The following CALN1 variants were observed in gnomAD, a reference collection of about 807,000 sequenced individuals.
The protein encoded by CALN1 is calcium-binding protein 8.
Under a neutral mutation model 30.6 loss-of-function variants are expected in CALN1, and 17 were observed. The observed-to-expected ratio is 0.56, with a 90% CI of 0.38 to 0.83. The LOEUF is 0.83. Among genes scored for constraint, CALN1 ranks in the 40% least tolerant of loss-of-function variants. The probability of loss-of-function intolerance (pLI) is 0.00; values close to 1 mark genes in which losing one functional copy is unlikely to be tolerated. For synonymous variants in CALN1, 156 were observed against 131.4 expected (o/e 1.19, Z -1.28); for missense variants, 291 against 354.9 (o/e 0.82, Z 1.45).
At chr7:72,078,001 A>T (rs748982345) in intron 4 of CALN1, among the ~76,000 whole-genome samples, 1 of 152,200 alleles carries the variant, frequency 6.6e-6, no homozygotes, top group Non-Finnish European at 1.5e-5. Flanking sequence ...AAGTTGTGCT[A>T]GGCCCACAGG....
chr7:71,924,251 TTAGGATTTCAGATCTTTTTAAAAAAG>T (rs1795141225), intron 5 of CALN1, among the ~76,000 whole-genome samples: 2 of 147,610 alleles, frequency 1.4e-5, no homozygotes, highest in African/African-American at 2.5e-5. Flanking sequence ...TTAAAAAAGA[TTAGGATTTCAGATCTTTTTAAAAAAG>T]ATTAGGATTT....
rs552737965 is a variant in CALN1, at chr7:71,813,971, A to C, written c.502-3479T>G. Among the ~76,000 whole-genome samples the C allele has an allele frequency of 4.7e-5, 7 of 150,432 alleles. No individual in the cohort carries two copies. The South Asian group carries it at 1.5e-3, about 32-fold the overall frequency. ...AAAAGATCTTTGGACTTCCCAACCT[A>C]CGGGCCCAAGCAATTAAGAGGATAA... On this transcript the variant is annotated intron_variant, in intron 5 of 6. Transcript: ENST00000395275.
chr7:71,998,435 A>G (rs1455247942), intron 5 of CALN1, among the ~76,000 whole-genome samples: 1 of 152,176 alleles, frequency 6.6e-6, no homozygotes, highest in Non-Finnish European at 1.5e-5. Context: ...ACTCAAGACA[A>G]TGATATTTAA....
upstream of CALN1, among the ~76,000 whole-genome samples, chr7:72,447,546 C>T (rs1188202682): frequency 6.6e-6 from 1 of 152,146 alleles, no homozygotes; most frequent in East Asian, 1.9e-4. Flanking sequence ...CGGGGCTGCA[C>T]GGGACACTGC....
chr7:72,261,760 C>T (rs998439170), intron 3 of CALN1, among the ~76,000 whole-genome samples: 6 of 152,122 alleles, frequency 3.9e-5, no homozygotes, highest in Admixed American at 1.3e-4. Context: ...AAAAACACCA[C>T]CACCACATAC....
At chr7:72,392,892 C>T (rs767968125) in intron 2 of CALN1, among the ~76,000 whole-genome samples, 3 of 151,912 alleles carry the variant, frequency 2.0e-5, no homozygotes, top group South Asian at 2.1e-4. Flanking sequence ...CCAGCTACTT[C>T]GGAGGCTGAG....
At chr7:72,409,116 C>CGGGG (rs1806920575) in intron 1 of CALN1, among the ~76,000 whole-genome samples, 1 of 151,972 alleles carries the variant, frequency 6.6e-6, no homozygotes, top group South Asian at 2.1e-4. Context: ...CTGACTCAGC[C>CGGGG]TCCCCAGTAG....
At chr7:72,117,359 G>A (rs1284857422) in intron 3 of CALN1, among the ~76,000 whole-genome samples, 2 of 152,188 alleles carry the variant, frequency 1.3e-5, no homozygotes, top group Non-Finnish European at 2.9e-5. Context: ...CGTAGATGAA[G>A]TCTCATAGAT....
At chr7:72,325,041 C>G (rs1332740806) in intron 2 of CALN1, among the ~76,000 whole-genome samples, 1 of 152,094 alleles carries the variant, frequency 6.6e-6, no homozygotes, top group Non-Finnish European at 1.5e-5. Context: ...GCTCCTACCT[C>G]TAATCCCAGC....
At chr7:71,788,478 G>GTTTTTTTTTTTTTTTTTTTTTTTTTTT (rs71092906) in intron 6 of CALN1, among the ~76,000 whole-genome samples, 2 of 141,788 alleles carry the variant, frequency 1.4e-5, no homozygotes, top group Non-Finnish European at 1.5e-5. Flanking sequence ...TTACTAAGAG[G>GTTTTTTTTTTTTTTTTTTTTTTTTTTT]TTTTTTTTTG....
chr7:72,302,754 G>C (rs542924068), intron 2 of CALN1, among the ~76,000 whole-genome samples: 1 of 152,008 alleles, frequency 6.6e-6, no homozygotes, highest in South Asian at 2.1e-4. Context: ...AATTAGTCAG[G>C]TGTGATGGTG....
rs547481292 is a variant in CALN1 at position 72,191,457 on chromosome 7, C to G, written c.245-85163G>C. 9.0e-5 allele frequency among the ~76,000 whole-genome samples: 13 copies of G among 144,760 alleles called. No homozygotes were observed. In the South Asian group the frequency reaches 2.4e-3, roughly 27 times the overall value. The allele number at this position is 144,760 out of a possible 152,430, so 95.0% of individuals were successfully genotyped here. On this transcript the variant is annotated intron_variant, in intron 3 of 6. Transcript: ENST00000395275. ...TCTGTAGTAAAAATACAAAAATTAG[C>G]TGGGTGTGGTGGCACATGCCTATAA...
At chr7:72,309,460 A>G (rs1799887195) in intron 2 of CALN1, among the ~76,000 whole-genome samples, 1 of 152,108 alleles carries the variant, frequency 6.6e-6, no homozygotes, top group Non-Finnish European at 1.5e-5. Flanking sequence ...TGTGGCCTGG[A>G]AACACAGCCC....
intron 5 of CALN1, among the ~76,000 whole-genome samples, chr7:71,974,686 C>T (rs1335904926): frequency 6.6e-6 from 1 of 152,118 alleles, no homozygotes; most frequent in African/African-American, 2.4e-5. Flanking sequence ...TTCTGGGGAA[C>T]AAACCATCCG....
chr7:72,285,435 G>A (rs1028592543), intron 2 of CALN1, among the ~76,000 whole-genome samples: 32 of 152,002 alleles, frequency 2.1e-4, no homozygotes, highest in Non-Finnish European at 4.7e-4. Flanking sequence ...AGTAGAGATG[G>A]GGTTTCACCG....
the CALN1 span, among the ~76,000 whole-genome samples, chr7:72,465,826 G>A: frequency 1.3e-5 from 2 of 152,268 alleles, no homozygotes; most frequent in East Asian, 1.9e-4. Flanking sequence ...CACTCAGAGC[G>A]CGGAATCCCC....
intron 5 of CALN1, among the ~76,000 whole-genome samples, chr7:71,978,063 T>C (rs1375934640): frequency 6.6e-6 from 1 of 151,460 alleles, no homozygotes; most frequent in Admixed American, 6.6e-5. Context: ...AAGCAAAGTG[T>C]AGGCTCAAGA....
intron 3 of CALN1, among the ~76,000 whole-genome samples, chr7:72,121,596 G>T (rs991521969): frequency 1.3e-5 from 2 of 148,736 alleles, no homozygotes; most frequent in African/African-American, 4.9e-5. Flanking sequence ...TATGATTTGC[G>T]TGTGTGCACA....
At chr7:72,161,724 C>G (rs1788124069) in intron 3 of CALN1, among the ~76,000 whole-genome samples, 1 of 151,772 alleles carries the variant, frequency 6.6e-6, no homozygotes, top group Admixed American at 6.6e-5. Context: ...GATGAGAAGA[C>G]AGGGACACAG....
Sources: allele counts gnomAD v4.1 joint callset (sites outside exome capture counted in the v4.1 genomes callset), GRCh38; gene constraint gnomAD v4.1.1; transcripts MANE v1.5; gene names NCBI Gene and HGNC (gene_info 2026-07-23, HGNC 2026-07-21).